The following PCDHGA8 variants were observed in gnomAD, a reference collection of about 807,000 sequenced individuals.
PCDHGA8 encodes the protein protocadherin gamma subfamily A, 8, also known as protocadherin gamma-A8.
PCDHGA8 carries 45 observed loss-of-function variants against 59.2 expected under a neutral mutation model. The ratio of observed to expected loss-of-function variants is 0.76; its 90% CI spans 0.60 to 0.98. PCDHGA8 has a LOEUF of 0.98. Among genes scored for constraint, PCDHGA8 ranks in the 50% least tolerant of loss-of-function variants. The pLI is 0.00. For missense variants in PCDHGA8, 1,257 were observed against 1,196.2 expected, an observed-to-expected ratio of 1.05 and a Z score of -0.75; for synonymous variants, 531 against 519.0, an observed-to-expected ratio of 1.02 and a Z score of -0.32.
Position 141,505,556 on chromosome 5 carries a change from C to T in PCDHGA8, c.2572+75C>T, listed in dbSNP as rs2233611. ...GGGTGCATCTCACAGCCACCATGCC[C>T]ACGGACTGGATGTCAAACCTGTGTA... On this transcript the variant is annotated intron_variant, in intron 3 of 3. Transcript: ENST00000398604. 1,282 of 1,606,040 alleles carry T rather than the reference C, an allele frequency of 8.0e-4. 6 individuals are homozygous for T. In the African/African-American group the frequency reaches 0.013, roughly 16 times the overall value.
intron 1 of PCDHGA8, among the ~76,000 whole-genome samples, chr5:141,438,635 TAC>T (rs56854727): frequency 0.14 from 4,591 of 32,686 alleles, 460 homozygotes; most frequent in Middle Eastern, 0.21. Flanking sequence ...TATATATATA[TAC>T]ACACACACAC....
At position 141,485,811 on chromosome 5, in the gene PCDHGA8, C is replaced by T; in HGVS notation, c.2425-8996C>T. 6.2e-7 allele frequency: 1 copy of T among 1,614,220 alleles called. No homozygotes were observed. The highest frequency in any genetic ancestry group is 8.5e-7 in the Non-Finnish European group (1 of 1,180,028). ...CAATCGGACTACCGCCTGGTGCTGA[C>T]TGCTGTCGATGGAGGGAACCCGCCG... On this transcript the variant is annotated intron_variant, in intron 1 of 3. Transcript: ENST00000398604. This position sits in a 1 kb window ranked among gnomAD's most constrained non-coding sequence, Gnocchi z 5.7.
At chr5:141,425,321 G>A (rs1020940689) in intron 1 of PCDHGA8, among the ~76,000 whole-genome samples, 2 of 152,182 alleles carry the variant, frequency 1.3e-5, no homozygotes, top group South Asian at 2.1e-4. Flanking sequence ...CAAGATCGTG[G>A]AGAACAAAAA....
intron 2 of PCDHGA8, 149 bp from the exon 3 acceptor site, chr5:141,505,244 T>C (rs886952348): frequency 7.0e-7 from 1 of 1,428,216 alleles, no homozygotes; most frequent in Non-Finnish European, 9.4e-7. Context: ...TGAAGGATTG[T>C]AGAAGTGCCT....
At chr5:141,464,982 T>A (rs914697541) in intron 1 of PCDHGA8, among the ~76,000 whole-genome samples, 1 of 152,030 alleles carries the variant, frequency 6.6e-6, no homozygotes, top group Non-Finnish European at 1.5e-5. Context: ...CTTCAAGTGA[T>A]CCTCCCACCT....
rs750216656 is a variant in PCDHGA8 at position 141,422,121 on chromosome 5, A to G, written c.2424+26884A>G. 4.4e-6 allele frequency: 7 copies of G among 1,602,838 alleles called. No individual in the cohort carries two copies. In the Admixed American group the frequency reaches 8.8e-5, roughly 20 times the overall value. On this transcript the variant is annotated intron_variant, in intron 1 of 3. Coordinates refer to ENST00000398604, the MANE Select transcript of PCDHGA8 (RefSeq NM_032088.2). ...CTGAAATATTCCAATTGGATTCACA[A>G]ACTGGAGAAGTTCAAGTACGGGGGT...
chr5:141,419,692 C>T (rs2096416788), intron 1 of PCDHGA8: 15 of 1,612,780 alleles, frequency 9.3e-6, no homozygotes, highest in Non-Finnish European at 1.3e-5. Context: ...TGGTGCAGGC[C>T]AGTGAGCCCG....
rs145897132 is a variant in PCDHGA8, at chr5:141,395,374, T to C, written c.2424+137T>C. The stretch of plus-strand genomic sequence containing the variant: ...CAGAGTTTTGGGTTTATTTTGGTGG[T>C]GTTACTATAAAATTGAACTCTAATA... On this transcript the variant is annotated intron_variant, in intron 1 of 3. Coordinates refer to ENST00000398604, the MANE Select transcript of PCDHGA8 (RefSeq NM_032088.2). 327 of 1,187,896 alleles carry C rather than the reference T, an allele frequency of 2.8e-4. 1 individual carries two copies. The African/African-American group carries it at 4.3e-3, about 16-fold the overall frequency. The allele number at this position is 1,187,896 out of a possible 1,614,324, so 73.6% of individuals were successfully genotyped here.
At chr5:141,452,858 T>C (rs904455495) in intron 1 of PCDHGA8, among the ~76,000 whole-genome samples, 1 of 152,202 alleles carries the variant, frequency 6.6e-6, no homozygotes. Flanking sequence ...GGGGAGATGA[T>C]TTTCTAACTC....
chr5:141,492,206 G>A (rs1180294159), intron 1 of PCDHGA8, among the ~76,000 whole-genome samples: 2 of 152,204 alleles, frequency 1.3e-5, no homozygotes, highest in Non-Finnish European at 2.9e-5. Context: ...TTAGGTGTGC[G>A]CGCGGGGCTC....
At chr5:141,507,786 GTCTAAGCC>G (rs1279265471) in intron 3 of PCDHGA8, among the ~76,000 whole-genome samples, 1 of 152,174 alleles carries the variant, frequency 6.6e-6, no homozygotes, top group Admixed American at 6.5e-5. Flanking sequence ...CCTGACCCTC[GTCTAAGCC>G]TGCGCCCTGG....
Position 141,510,974 on chromosome 5 carries a change from G to T in PCDHGA8, c.2600G>T (p.Gly867Val). The T allele has an allele frequency of 6.2e-7, 1 of 1,614,150 alleles. No homozygotes were observed. The highest frequency in any genetic ancestry group is 1.1e-5 in the South Asian group (1 of 91,088). ...SEAADGSSTL[G>V]GGAGTMGLSA... ...GCTGCTGATGGGAGCTCCACCCTGG[G>T]AGGGGGTGCCGGCACCATGGGATTG... is the stretch of plus-strand genomic sequence containing the variant. The change falls in exon 4 of 4, where the codon GGA becomes GTA. Residue 867 changes from glycine (G) to valine (V), a missense_variant. Physicochemically the swap from Gly to Val is moderately radical, Grantham distance 109. Transcript: ENST00000398604.
chr5:141,429,583 T>A (rs2097226045), intron 1 of PCDHGA8, among the ~76,000 whole-genome samples: 2 of 152,218 alleles, frequency 1.3e-5, no homozygotes, highest in South Asian at 4.1e-4. Flanking sequence ...TTACTTTTGA[T>A]TCTTGTAATT....
intron 1 of PCDHGA8, among the ~76,000 whole-genome samples, chr5:141,467,743 C>T (rs1166073224): frequency 8.5e-5 from 13 of 152,052 alleles, no homozygotes; most frequent in Non-Finnish European, 1.8e-4. Flanking sequence ...CTCGCTGCAA[C>T]CTCCGCCTCA....
At chr5:141,446,061 AG>A (rs903957950) in intron 1 of PCDHGA8, among the ~76,000 whole-genome samples, 3 of 152,226 alleles carry the variant, frequency 2.0e-5, no homozygotes, top group African/African-American at 7.2e-5. Context: ...CTTGGATTAA[AG>A]GGGAGGCAGT....
chr5:141,400,236 G>C (rs1195592972), intron 1 of PCDHGA8: 6 of 1,613,868 alleles, frequency 3.7e-6, no homozygotes, highest in African/African-American at 1.3e-5. Flanking sequence ...TCCTGGCCGT[G>C]ATTCTGGCCG....
chr5:141,393,221 AG>A lies in PCDHGA8; in HGVS notation c.409del (p.Asp137IlefsTer2), dbSNP rs1394795238. On this transcript the variant is annotated frameshift_variant, in exon 1 of 4. Coordinates refer to ENST00000398604, the MANE Select transcript of PCDHGA8 (RefSeq NM_032088.2). LOFTEE classifies it high-confidence loss of function. ...ATAATAACCCAAAATTCCAGGTCGAAGATCTAGAAGTAAAAATTAACGAAAT... is the reference window on the plus strand; with the variant it reads ...ATAATAACCCAAAATTCCAGGTCGAAATCTAGAAGTAAAAATTAACGAAAT... ...NDNNPKFQVE[D>X]LEVKINEIAV... 2 of 1,613,690 alleles carry A rather than the reference AG, an allele frequency of 1.2e-6. No individual in the cohort carries two copies. The highest frequency in any genetic ancestry group is 2.2e-5 in the South Asian group (2 of 91,084).
At chr5:141,488,439 C>G (rs2099675441) in intron 1 of PCDHGA8, among the ~76,000 whole-genome samples, 1 of 152,206 alleles carries the variant, frequency 6.6e-6, no homozygotes, top group African/African-American at 2.4e-5. Context: ...TCTGACCACC[C>G]TCCTGGGTGA....
Position 141,462,070 on chromosome 5 carries a change from G to A in PCDHGA8, c.2425-32737G>A, listed in dbSNP as rs572217894. Among the ~76,000 whole-genome samples the A allele has an allele frequency of 2.6e-5, 4 of 152,196 alleles. No homozygotes were observed. In the East Asian group the frequency reaches 7.7e-4, roughly 29 times the overall value. Reference sequence around the variant, plus strand: ...ACTCCCGACCTCAGGTGATCTGCCCGCCTTGGCCTCCCAAAATGCTGGGAT... The same window carrying A: ...ACTCCCGACCTCAGGTGATCTGCCCACCTTGGCCTCCCAAAATGCTGGGAT... On this transcript the variant is annotated intron_variant, in intron 1 of 3. Transcript: ENST00000398604.
Sources: gnomAD v4.1 joint callset for allele counts (sites outside exome capture counted in the v4.1 genomes callset) on GRCh38, gnomAD v4.1.1 for gene constraint, Gnocchi (gnomAD v3.1) non-coding constraint, MANE v1.5 for transcripts, NCBI Gene and HGNC (gene_info 2026-07-23, HGNC 2026-07-21) for gene names.